Variants in CTSA observed in about 807,000 individuals in gnomAD.
CTSA encodes the protein cathepsin A, also known as lysosomal protective protein.
Under a neutral mutation model 66.7 loss-of-function variants are expected in CTSA, and 42 were observed. The observed-to-expected ratio is 0.63, with a 90% CI of 0.49 to 0.81. The LOEUF (loss-of-function observed/expected upper bound fraction) is 0.81. Ranked by LOEUF, CTSA falls within the 40% of genes least tolerant of loss-of-function variation. The pLI, the probability that CTSA is intolerant of heterozygous loss-of-function variation, is 0.00. For synonymous variants in CTSA, 225 were observed against 248.6 expected, an observed-to-expected ratio of 0.91 and a Z score of 0.89; for missense variants, 525 against 610.9, an observed-to-expected ratio of 0.86 and a Z score of 1.48.
At chr20:45,892,224 C>G in intron 3 of CTSA, 49 bp from the exon 4 acceptor site, 1 of 1,601,528 alleles carries the variant, frequency 6.2e-7, no homozygotes, top group Non-Finnish European at 8.6e-7. Context: ...CCCTTTCCCT[C>G]CACCCAGCTG....
At position 45,898,802 on chromosome 20, in the gene CTSA, A is replaced by G; in HGVS notation, c.*352A>G. The G allele has an allele frequency of 1.0e-6, 1 of 984,630 alleles. No homozygotes were observed. The highest frequency in any genetic ancestry group is 1.5e-6 in the Non-Finnish European group (1 of 672,628). The allele number at this position is 984,630 out of a possible 1,614,324, so 61.0% of individuals were successfully genotyped here. A position where few individuals can be genotyped will look rare whatever the true frequency, so the allele number is the denominator to read the frequency against. On this transcript the variant is annotated 3_prime_UTR_variant, in exon 15 of 15. Coordinates refer to ENST00000646241, the MANE Select transcript of CTSA (RefSeq NM_000308.4). The surrounding 1 kb of genome is among the most constrained non-coding windows in gnomAD (Gnocchi z 4.6). ...AATTGATAGATTGATTATGGAATTAAATTGGGTACAGCTTCAAATCCCGTC... is the reference window on the plus strand; with the variant it reads ...AATTGATAGATTGATTATGGAATTAGATTGGGTACAGCTTCAAATCCCGTC...
rs1376703572 is a variant in CTSA, at chr20:45,895,024, A to G, written c.979A>G (p.Met327Val). 6.8e-6 allele frequency: 11 copies of G among 1,614,146 alleles called. No homozygotes were observed. Among genetic ancestry groups the G allele is most frequent in the Non-Finnish European group, 9.3e-6 (11 of 1,180,012 alleles). The change falls in exon 11 of 15, where the codon ATG becomes GTG. Residue 327 changes from methionine (M) to valine (V), a missense_variant. Coordinates refer to ENST00000646241, the MANE Select transcript of CTSA (RefSeq NM_000308.4). ...GCTGCGCTCAGGGGATAAAGTGCGC[A>G]TGGACCCCCCCTGCACCAACACAAC... ...ALLRSGDKVR[M>V]DPPCTNTTAA...
At chr20:45,895,524 G>C (rs925718905) in intron 11 of CTSA, among the ~76,000 whole-genome samples, 2 of 151,872 alleles carry the variant, frequency 1.3e-5, no homozygotes, top group African/African-American at 2.4e-5. Flanking sequence ...CATTGCTCAG[G>C]CTGGTTTTGA....
chr20:45,895,765 TG>T (rs2083098463), intron 11 of CTSA, among the ~76,000 whole-genome samples: 1 of 152,120 alleles, frequency 6.6e-6, no homozygotes, highest in African/African-American at 2.4e-5. Context: ...AAAATTTTTT[TG>T]TAGAGACAGG....
Position 45,892,472 on chromosome 20 carries a change from T to C in CTSA, c.432T>C (p.Thr144=). ...FSYSDDKFYA[T]NDTEVAQSNF... ...ACTCCGATGACAAGTTTTATGCAAC[T>C]AATGACACTGAGGTGAGTCTGGTGC... is the stretch of plus-strand genomic sequence containing the variant. Residue 144 remains threonine (T), a synonymous_variant, in exon 5 of 15, where the codon ACT becomes ACC. Coordinates refer to ENST00000646241, the MANE Select transcript of CTSA (RefSeq NM_000308.4). 6.2e-7 allele frequency: 1 copy of C among 1,614,098 alleles called. No homozygotes were observed. The highest frequency in any genetic ancestry group is 8.5e-7 in the Non-Finnish European group (1 of 1,179,970).
intron 5 of CTSA, 78 bp downstream of exon 5, chr20:45,892,562 G>C (rs1987022570): frequency 1.3e-6 from 2 of 1,536,282 alleles, no homozygotes; most frequent in Non-Finnish European, 1.8e-6. Context: ...AGAGAGCATG[G>C]CCTTGGAGTC....
At chr20:45,894,529 A>G in intron 8 of CTSA, 121 bp from the exon 9 acceptor site, 1 of 899,454 alleles carries the variant, frequency 1.1e-6, no homozygotes, top group Non-Finnish European at 1.8e-6. Flanking sequence ...CAGTTTCCCT[A>G]CCTGTGAAAA....
intron 4 of CTSA, 27 bp from the exon 5 acceptor site, chr20:45,892,371 T>C: frequency 6.2e-7 from 1 of 1,613,710 alleles, no homozygotes; most frequent in Non-Finnish European, 8.5e-7. Context: ...TGGGGTGGCA[T>C]TTAGCTAATT....
chr20:45,896,747 T>C (rs2083111150), intron 11 of CTSA: 2 of 592,020 alleles, frequency 3.4e-6, no homozygotes, highest in Non-Finnish European at 6.1e-6. Context: ...TCCCTGTACC[T>C]TTCTAAATGG....
chr20:45,897,556 A>C, intron 12 of CTSA, 161 bp from the exon 13 acceptor site: 1 of 650,912 alleles, frequency 1.5e-6, no homozygotes, highest in Non-Finnish European at 2.8e-6. Context: ...CATTTAGTAG[A>C]ATACTGGACA....
intron 5 of CTSA, 46 bp downstream of exon 5, chr20:45,892,530 A>C (rs1376573736): frequency 3.2e-6 from 5 of 1,580,340 alleles, no homozygotes. Context: ...CCGGTCCTCC[A>C]TCCATGGCAT....
At chr20:45,893,882 T>G (rs1283118262) in intron 7 of CTSA, 106 bp from the exon 8 acceptor site, 1 of 778,304 alleles carries the variant, frequency 1.3e-6, no homozygotes, top group African/African-American at 1.7e-5. Flanking sequence ...TCTTTCCCAG[T>G]CTCCTAGGGT....
In CTSA at chr20:45,891,911, C is replaced by T. The variant is rs1258200079; in HGVS notation, c.195-5C>T. 1.2e-6 allele frequency: 2 copies of T among 1,613,538 alleles called. No homozygotes were observed. Among genetic ancestry groups the T allele is most frequent in the South Asian group, 2.2e-5 (2 of 91,066 alleles). On this transcript the variant is annotated splice_region_variant and splice_polypyrimidine_tract_variant and intron_variant, in intron 2 of 14. Transcript: ENST00000646241. The surrounding 1 kb of genome is among the most constrained non-coding windows in gnomAD (Gnocchi z 4.6). The stretch of plus-strand genomic sequence containing the variant: ...GCGCCAACCCTGCCCTGACCCCCCT[C>T]CCAGGTTTGTGGAGTCCCAGAAGGA...
At position 45,891,432 on chromosome 20, in the gene CTSA, G is replaced by C; in HGVS notation, c.-1+53G>C. ...ATCCCCGAGCCCGGGATCGGTGCGCGGCAGAGGAGGCTCGCGGGTGGGAGC... is the reference window on the plus strand; with the variant it reads ...ATCCCCGAGCCCGGGATCGGTGCGCCGCAGAGGAGGCTCGCGGGTGGGAGC... On this transcript the variant is annotated intron_variant, in intron 1 of 14. Coordinates refer to ENST00000646241, the MANE Select transcript of CTSA (RefSeq NM_000308.4). This position sits in a 1 kb window ranked among gnomAD's most constrained non-coding sequence, Gnocchi z 4.6. The C allele has an allele frequency of 6.5e-7, 1 of 1,548,982 alleles. No individual in the cohort carries two copies. Among genetic ancestry groups the C allele is most frequent in the East Asian group, 2.4e-5 (1 of 41,118 alleles).
At chr20:45,897,654 C>T in intron 12 of CTSA, 63 bp from the exon 13 acceptor site, 2 of 990,964 alleles carry the variant, frequency 2.0e-6, no homozygotes, top group South Asian at 2.6e-5. Context: ...AGGCCTTGAA[C>T]TAGGGAAGGG....
chr20:45,893,060 C>T, intron 6 of CTSA, 160 bp from the exon 7 acceptor site: 2 of 935,184 alleles, frequency 2.1e-6, no homozygotes, highest in Non-Finnish European at 3.4e-6. Context: ...TGTCAGGCTG[C>T]CAGCTCTGTG....
Position 45,898,472 on chromosome 20 carries a change from C to G in CTSA, c.*22C>G. ...CTGATGACCACAGCAACCAGCTCCACGGCCTGATGCAGCCCCTCCCAGCCT... is the reference window on the plus strand; with the variant it reads ...CTGATGACCACAGCAACCAGCTCCAGGGCCTGATGCAGCCCCTCCCAGCCT... On this transcript the variant is annotated 3_prime_UTR_variant, in exon 15 of 15. Transcript: ENST00000646241. The surrounding 1 kb of genome is among the most constrained non-coding windows in gnomAD (Gnocchi z 4.6). 1.2e-6 allele frequency: 2 copies of G among 1,607,798 alleles called. No homozygotes were observed. The highest frequency in any genetic ancestry group is 1.7e-6 in the Non-Finnish European group (2 of 1,174,862).
chr20:45,897,124 T>A, intron 12 of CTSA, 84 bp downstream of exon 12: 1 of 1,103,334 alleles, frequency 9.1e-7, no homozygotes, highest in South Asian at 1.2e-5. Flanking sequence ...TGAGACTTCC[T>A]GTCAGGACAA....
rs1986927667 is a variant in CTSA, at chr20:45,891,604, G to A, written c.36G>A (p.Leu12=). The A allele has an allele frequency of 1.2e-6, 1 of 860,462 alleles. No homozygotes were observed. Among genetic ancestry groups the A allele is most frequent in the Non-Finnish European group, 1.7e-6 (1 of 587,810 alleles). 53.3% of individuals were successfully genotyped at this position (860,462 alleles called of 1,614,324 possible). A position where few individuals can be genotyped will look rare whatever the true frequency, so the allele number is the denominator to read the frequency against. The change falls in exon 2 of 15, where the codon CTG becomes CTA. Residue 12 remains leucine, a synonymous_variant. Transcript: ENST00000646241. This position sits in a 1 kb window ranked among gnomAD's most constrained non-coding sequence, Gnocchi z 4.6. ...IRAAPPPLFL[L]LLLLLLLVSW... ...CCGCGCCGCCGCCGCTGTTCCTGCT[G>A]CTGCTGCTGCTGCTGCTGCTAGTGT...
Sources: allele counts gnomAD v4.1 joint callset (sites outside exome capture counted in the v4.1 genomes callset), GRCh38; gene constraint gnomAD v4.1.1; non-coding constraint Gnocchi (gnomAD v3.1); transcripts MANE v1.5; gene names NCBI Gene and HGNC (gene_info 2026-07-23, HGNC 2026-07-21).